Variants in SCG5 observed in about 807,000 individuals in gnomAD.
SCG5 encodes neuroendocrine protein 7B2.
A neutral mutation model predicts 25.7 loss-of-function variants in SCG5; 18 were observed. That is an observed-to-expected ratio of 0.70 (90% CI 0.48 to 1.04). The LOEUF is 1.04. SCG5 is among the 50% of genes least tolerant of loss of function. SCG5 has a pLI of 0.00. For synonymous variants in SCG5, 101 were observed against 91.7 expected (o/e 1.10, Z -0.58); for missense variants, 206 against 259.8 (o/e 0.79, Z 1.42).
intron 3 of SCG5, among the ~76,000 whole-genome samples, chr15:32,680,885 A>G (rs374396686): frequency 2.6e-5 from 4 of 152,170 alleles, no homozygotes; most frequent in South Asian, 4.1e-4. Context: ...GGTGGTTAAG[A>G]GTAGTGGCTC....
intron 5 of SCG5, 185 bp downstream of exon 5, chr15:32,691,948 C>T (rs986799324): frequency 2.1e-6 from 3 of 1,444,134 alleles, no homozygotes; most frequent in East Asian, 2.6e-5. Flanking sequence ...GCGATGGCTT[C>T]CCCAGGCTTT....
intron 2 of SCG5, among the ~76,000 whole-genome samples, chr15:32,659,524 G>A (rs1460787469): frequency 6.6e-6 from 1 of 152,208 alleles, no homozygotes; most frequent in Non-Finnish European, 1.5e-5. Flanking sequence ...TTGCCAGAAG[G>A]GATCTGTGGC....
intron 2 of SCG5, chr15:32,673,209 A>T (rs532872455): frequency 6.6e-6 from 1 of 152,276 alleles, no homozygotes; most frequent in Non-Finnish European, 1.5e-5. Context: ...TGTAGAGTAA[A>T]ACTTTAAGTA....
In SCG5 at chr15:32,661,576, C is replaced by T. The variant is rs150275382; in HGVS notation, c.226+17758C>T. Among the ~76,000 whole-genome samples, 162 of 152,166 alleles carry T rather than the reference C, an allele frequency of 1.1e-3. 2 individuals are homozygous for T. In the East Asian group the frequency reaches 0.023, roughly 21 times the overall value. ...CAGAGGTTGCGGTGAGCCGAGATTGCACCATTACACTCCAGCCTGGGCAAC... is the reference window on the plus strand; with the variant it reads ...CAGAGGTTGCGGTGAGCCGAGATTGTACCATTACACTCCAGCCTGGGCAAC... On this transcript the variant is annotated intron_variant, in intron 2 of 5. Transcript: ENST00000300175.
intron 2 of SCG5, among the ~76,000 whole-genome samples, chr15:32,661,521 G>A (rs2054217753): frequency 6.6e-6 from 1 of 152,212 alleles, no homozygotes; most frequent in South Asian, 2.1e-4. Context: ...TAGGGAGGCT[G>A]AGGCAGGAGA....
chr15:32,671,753 AT>A (rs1398700845), intron 2 of SCG5, among the ~76,000 whole-genome samples: 1 of 151,324 alleles, frequency 6.6e-6, no homozygotes, highest in African/African-American at 2.4e-5. Flanking sequence ...TAGGAAGGAG[AT>A]TTCTGGGTCT....
chr15:32,650,739 AAGAT>A (rs2054019836), intron 2 of SCG5, among the ~76,000 whole-genome samples: 1 of 152,214 alleles, frequency 6.6e-6, no homozygotes. Flanking sequence ...CTTCAGGTAA[AAGAT>A]AGGCTGCTCA....
At chr15:32,673,601 G>A (rs1388077082) in intron 2 of SCG5, among the ~76,000 whole-genome samples, 1 of 151,228 alleles carries the variant, frequency 6.6e-6, no homozygotes, top group Non-Finnish European at 1.5e-5. Context: ...GACTTGCAGG[G>A]CCTAGGCGCA....
At chr15:32,672,110 T>G (rs1212347175) in intron 2 of SCG5, among the ~76,000 whole-genome samples, 1 of 152,242 alleles carries the variant, frequency 6.6e-6, no homozygotes, top group African/African-American at 2.4e-5. Context: ...CCGCAGTGTA[T>G]TTTTAGCATC....
chr15:32,668,344 A>T (rs1423796913), intron 2 of SCG5, among the ~76,000 whole-genome samples: 1 of 152,258 alleles, frequency 6.6e-6, no homozygotes, highest in African/African-American at 2.4e-5. Flanking sequence ...TAATTCAGGT[A>T]CGAATTTGTA....
chr15:32,657,220 T>TATATATATATATATATATATATATATATG (rs71113464), intron 2 of SCG5, among the ~76,000 whole-genome samples: 1 of 106,510 alleles, frequency 9.4e-6, no homozygotes, highest in Non-Finnish European at 2.1e-5. Context: ...TATGTATGTA[T>TATATATATATATATATATATATATATATG]TTCCAGGTGT....
chr15:32,646,923 G>A (rs987594968), intron 2 of SCG5, among the ~76,000 whole-genome samples: 8 of 152,134 alleles, frequency 5.3e-5, no homozygotes, highest in African/African-American at 1.9e-4. Flanking sequence ...AGTTGGGAAA[G>A]TTTATTTTTA....
At chr15:32,695,237 G>A (rs939813199) in intron 5 of SCG5, among the ~76,000 whole-genome samples, 11 of 151,874 alleles carry the variant, frequency 7.2e-5, no homozygotes, top group African/African-American at 2.2e-4. Flanking sequence ...GGATGGTCTC[G>A]ATCTCCTGAC....
intron 4 of SCG5, among the ~76,000 whole-genome samples, chr15:32,687,705 G>A (rs1333814077): frequency 6.6e-6 from 1 of 152,198 alleles, no homozygotes; most frequent in African/African-American, 2.4e-5. Context: ...GTTTTTGACA[G>A]TAGCTGGAGC....
chr15:32,688,921 TGCAG>T (rs1185212325), intron 4 of SCG5, among the ~76,000 whole-genome samples: 4 of 140,912 alleles, frequency 2.8e-5, no homozygotes, highest in African/African-American at 1.1e-4. Flanking sequence ...ATAGTGCCAC[TGCAG>T]TCCGGCCTGG....
Position 32,692,071 on chromosome 15 carries a change from GAGGGTCTGTCTGCCCTCCC to G in SCG5, c.543+318_543+336del, listed in dbSNP as rs1365075046. ...GTGTGGGACATATCTGGGGGGACATGAGGGTCTGTCTGCCCTCCCAGGGTCTGTAGGCCAGTGGGGAAAA... is the reference window on the plus strand; with the variant it reads ...GTGTGGGACATATCTGGGGGGACATGAGGGTCTGTAGGCCAGTGGGGAAAA... On this transcript the variant is annotated intron_variant, in intron 5 of 5. Coordinates refer to ENST00000300175, the MANE Select transcript of SCG5 (RefSeq NM_001144757.3). 28 of 1,216,080 alleles carry G rather than the reference GAGGGTCTGTCTGCCCTCCC, an allele frequency of 2.3e-5. No homozygotes were observed. The Admixed American group carries it at 1.2e-3, about 53-fold the overall frequency. The allele number at this position is 1,216,080 out of a possible 1,614,324, so 75.3% of individuals were successfully genotyped here. A position where few individuals can be genotyped will look rare whatever the true frequency, so the allele number is the denominator to read the frequency against.
chr15:32,680,276 C>A (rs528269667), intron 3 of SCG5, among the ~76,000 whole-genome samples: 4 of 150,126 alleles, frequency 2.7e-5, no homozygotes, highest in African/African-American at 9.8e-5. Flanking sequence ...GTGCACTGCA[C>A]GCTCCGCCTC....
rs536538082 is a variant in SCG5, at chr15:32,692,006, C to T, written c.543+243C>T. The T allele has an allele frequency of 1.4e-4, 197 of 1,374,076 alleles. 1 individual carries two copies. In the East Asian group the frequency reaches 3.1e-3, roughly 21 times the overall value. The allele number at this position is 1,374,076 out of a possible 1,614,324, so 85.1% of individuals were successfully genotyped here. Reference sequence around the variant, plus strand: ...GCGCAGTCTGTAGCAATTCTAGCAACTCCATTCCGTTCAGGAAATGTGTAT... The same window carrying T: ...GCGCAGTCTGTAGCAATTCTAGCAATTCCATTCCGTTCAGGAAATGTGTAT... On this transcript the variant is annotated intron_variant, in intron 5 of 5. Coordinates refer to ENST00000300175, the MANE Select transcript of SCG5 (RefSeq NM_001144757.3).
intron 2 of SCG5, among the ~76,000 whole-genome samples, chr15:32,663,747 A>C (rs765124175): frequency 6.6e-6 from 1 of 151,922 alleles, no homozygotes; most frequent in African/African-American, 2.4e-5. Context: ...AAGCAGTGGG[A>C]CTCAAGTTTT....
Sources: allele counts gnomAD v4.1 joint callset (sites outside exome capture counted in the v4.1 genomes callset), GRCh38; gene constraint gnomAD v4.1.1; transcripts MANE v1.5; gene names NCBI Gene and HGNC (gene_info 2026-07-23, HGNC 2026-07-21).